Variants in MBLAC2 observed in about 807,000 individuals in gnomAD.
MBLAC2 encodes the protein metallo-beta-lactamase domain containing 2.
In MBLAC2, 24 loss-of-function variants were observed where a neutral mutation model predicts 23.3. The observed-to-expected ratio is 1.03, with a 90% CI of 0.75 to 1.45. MBLAC2 has a LOEUF of 1.45. Ranked by LOEUF, MBLAC2 falls within the 40% of genes most tolerant of loss-of-function variation. MBLAC2 has a pLI of 0.00. For synonymous variants in MBLAC2, 162 were observed against 150.9 expected, an observed-to-expected ratio of 1.07 and a Z score of -0.54; for missense variants, 358 against 370.0, an observed-to-expected ratio of 0.97 and a Z score of 0.27.
intron 1 of MBLAC2, chr5:90,472,748 A>G (rs1236950325): frequency 1.3e-5 from 2 of 152,172 alleles, no homozygotes; most frequent in African/African-American, 4.8e-5. Context: ...GGGGCCTTTC[A>G]CATTCTACTC....
chr5:90,467,652 A>G (rs555706738), intron 1 of MBLAC2, among the ~76,000 whole-genome samples: 2 of 150,876 alleles, frequency 1.3e-5, no homozygotes, highest in African/African-American at 4.9e-5. Flanking sequence ...TTTTAAGTGG[A>G]GCATTTAGGC....
chr5:90,471,667 A>G (rs1750550952), intron 1 of MBLAC2: 1 of 152,224 alleles, frequency 6.6e-6, no homozygotes, highest in Admixed American at 6.5e-5. Context: ...GCATTCTACC[A>G]AAGCAATGAA....
In MBLAC2 at chr5:90,474,435, G is replaced by A. The variant is rs965817509; in HGVS notation, c.-143C>T. Reference sequence around the variant, plus strand: ...GTAGAGCGAGGCGGGGGCGTGGGATGCGGGGGTCGGAATAGGAGGAGGAAG... The same window carrying A: ...GTAGAGCGAGGCGGGGGCGTGGGATACGGGGGTCGGAATAGGAGGAGGAAG... On this transcript the variant is annotated 5_prime_UTR_variant, in exon 1 of 2. Coordinates refer to ENST00000316610, the MANE Select transcript of MBLAC2 (RefSeq NM_203406.2). 2.4e-5 allele frequency: 18 copies of A among 735,786 alleles called. No individual in the cohort carries two copies. Among genetic ancestry groups the A allele is most frequent in the Admixed American group, 1.6e-4 (6 of 36,846 alleles). 45.6% of individuals were successfully genotyped at this position (735,786 alleles called of 1,614,324 possible). A position where few individuals can be genotyped will look rare whatever the true frequency, so the allele number is the denominator to read the frequency against.
At chr5:90,473,807 A>G (rs1360240702) in intron 1 of MBLAC2, 32 bp downstream of exon 1, 7 of 1,544,994 alleles carry the variant, frequency 4.5e-6, no homozygotes, top group Non-Finnish European at 6.1e-6. Flanking sequence ...ACCCTCCCTT[A>G]ACGAGAGCGC....
At chr5:90,469,060 G>GA (rs1750501443) in intron 1 of MBLAC2, among the ~76,000 whole-genome samples, 1 of 151,998 alleles carries the variant, frequency 6.6e-6, no homozygotes, top group Non-Finnish European at 1.5e-5. Flanking sequence ...AAACCCAGGA[G>GA]AAAAAAAGAA....
At chr5:90,466,316 A>G (rs1266215122) in intron 1 of MBLAC2, among the ~76,000 whole-genome samples, 4 of 152,240 alleles carry the variant, frequency 2.6e-5, no homozygotes, top group Non-Finnish European at 5.9e-5. Flanking sequence ...TTTGCAGACA[A>G]ACAAATAAGA....
Position 90,474,112 on chromosome 5 carries a change from C to A in MBLAC2, c.181G>T (p.Gly61Cys), listed in dbSNP as rs1488746577. 44 of 1,579,278 alleles carry A rather than the reference C, an allele frequency of 2.8e-5. No individual in the cohort carries two copies. Among genetic ancestry groups the A allele is most frequent in the Non-Finnish European group, 3.7e-5 (43 of 1,162,624 alleles). ...RSLPEYLYSSGLLQDREAKED... is the reference protein window; with the variant it reads ...RSLPEYLYSSCLLQDREAKED... ...TTGGCCTCTCGGTCCTGCAAGAGGC[C>A]GGAGGAGTACAGGTACTCCGGGAGG... Residue 61 changes from glycine (G) to cysteine (C), a missense_variant, in exon 1 of 2, where the codon GGC (glycine) becomes TGC (cysteine). Physicochemically the swap from Gly to Cys is radical, Grantham distance 159. Coordinates refer to ENST00000316610, the MANE Select transcript of MBLAC2 (RefSeq NM_203406.2).
chr5:90,473,712 A>C (rs1468843880), intron 1 of MBLAC2, 127 bp downstream of exon 1: 5 of 907,412 alleles, frequency 5.5e-6, no homozygotes, highest in Non-Finnish European at 8.8e-6. Context: ...GGTGAAACAG[A>C]AGTGGCTCTG....
chr5:90,471,362 G>C (rs1401904902), intron 1 of MBLAC2, among the ~76,000 whole-genome samples: 2 of 152,178 alleles, frequency 1.3e-5, no homozygotes, highest in Non-Finnish European at 2.9e-5. Flanking sequence ...CCAGAACTTT[G>C]TATCACTTGA....
At position 90,474,638 on chromosome 5, in the gene MBLAC2, C is replaced by G. The variant is rs1159660753; in HGVS notation, c.-346G>C. Reference sequence around the variant, plus strand: ...GCAGAATGGAGACTCAGGTGGCGACCGTTTCGCCACCCCGGGCGTGTGACA... The same window carrying G: ...GCAGAATGGAGACTCAGGTGGCGACGGTTTCGCCACCCCGGGCGTGTGACA... On this transcript the variant is annotated 5_prime_UTR_variant, in exon 1 of 2. Transcript: ENST00000316610. 65 of 309,934 alleles carry G rather than the reference C, an allele frequency of 2.1e-4. No homozygotes were observed. Among genetic ancestry groups the G allele is most frequent in the Non-Finnish European group, 1.2e-5 (2 of 165,176 alleles). 19.2% of individuals were successfully genotyped at this position (309,934 alleles called of 1,614,324 possible).
chr5:90,471,587 A>C lies in MBLAC2; in HGVS notation c.454+2252T>G, dbSNP rs77169410. ...TTTGGGTTAGAGATACAGTGCACAG[A>C]TTTATGCTTCTCCATGACAAGTGAT... is the stretch of plus-strand genomic sequence containing the variant. On this transcript the variant is annotated intron_variant, in intron 1 of 1. Transcript: ENST00000316610. Among the ~76,000 whole-genome samples, 103 of 152,298 alleles carry C rather than the reference A, an allele frequency of 6.8e-4. 1 individual carries two copies. In the East Asian group the frequency reaches 0.018, roughly 27 times the overall value.
At chr5:90,465,536 A>G (rs920752963) in intron 1 of MBLAC2, among the ~76,000 whole-genome samples, 6 of 152,210 alleles carry the variant, frequency 3.9e-5, no homozygotes, top group African/African-American at 1.4e-4. Flanking sequence ...ATGGTGCTTG[A>G]AATAAAGCTA....
chr5:90,473,678 C>A, intron 1 of MBLAC2, 161 bp downstream of exon 1: 1 of 750,870 alleles, frequency 1.3e-6, no homozygotes. Context: ...TGACTCTGGT[C>A]AAGTGGGTTT....
At chr5:90,466,283 G>C (rs994515635) in intron 1 of MBLAC2, among the ~76,000 whole-genome samples, 2 of 152,188 alleles carry the variant, frequency 1.3e-5, no homozygotes, top group African/African-American at 4.8e-5. Context: ...TGACAGACTG[G>C]ACTGGGATAC....
At position 90,474,396 on chromosome 5, in the gene MBLAC2, G is replaced by A. The variant is rs557665000; in HGVS notation, c.-104C>T. 2.8e-6 allele frequency: 3 copies of A among 1,078,918 alleles called. No homozygotes were observed. The highest frequency in any genetic ancestry group is 1.4e-5 in the South Asian group (1 of 73,346). The allele number at this position is 1,078,918 out of a possible 1,614,324, so 66.8% of individuals were successfully genotyped here. A position where few individuals can be genotyped will look rare whatever the true frequency, so the allele number is the denominator to read the frequency against. ...GGCTGTGTGAAGCGGTCTGCCTGCA[G>A]CCAGGGAGGAGGCGTAGAGCGAGGC... On this transcript the variant is annotated 5_prime_UTR_variant, in exon 1 of 2. Transcript: ENST00000316610.
rs1307921518 is a variant in MBLAC2 at position 90,468,073 on chromosome 5, T to C, written c.454+5766A>G. Among the ~76,000 whole-genome samples, 8 of 152,350 alleles carry C rather than the reference T, an allele frequency of 5.3e-5. No individual in the cohort carries two copies. In the East Asian group the frequency reaches 1.5e-3, roughly 29 times the overall value. Reference sequence around the variant, plus strand: ...AGCTTGTAGAGTTTCTGCTGTTAGATAGGTTTTCCTTTACAGGTTACATGA... The same window carrying C: ...AGCTTGTAGAGTTTCTGCTGTTAGACAGGTTTTCCTTTACAGGTTACATGA... On this transcript the variant is annotated intron_variant, in intron 1 of 1. Transcript: ENST00000316610.
At chr5:90,463,419 TAAC>T (rs1437006038) in intron 1 of MBLAC2, among the ~76,000 whole-genome samples, 2 of 151,982 alleles carry the variant, frequency 1.3e-5, no homozygotes, top group Non-Finnish European at 2.9e-5. Flanking sequence ...AGACAAAAAA[TAAC>T]AAATTAGGAA....
rs1358000605 is a variant in MBLAC2 at position 90,459,553 on chromosome 5, T to A, written c.*1614A>T. 1 of 152,110 alleles carries A rather than the reference T, an allele frequency of 6.6e-6. No individual in the cohort carries two copies. The highest frequency in any genetic ancestry group is 2.4e-5 in the African/African-American group (1 of 41,438). 9.4% of individuals were successfully genotyped at this position (152,110 alleles called of 1,614,324 possible). A position where few individuals can be genotyped will look rare whatever the true frequency, so the allele number is the denominator to read the frequency against. The stretch of plus-strand genomic sequence containing the variant: ...CTTCCAAATTTGACTCAAAAACCCC[T>A]CCTCCAGTAAACTTTGCCTAACCAA... On this transcript the variant is annotated 3_prime_UTR_variant, in exon 2 of 2. Transcript: ENST00000316610.
intron 1 of MBLAC2, among the ~76,000 whole-genome samples, chr5:90,465,210 A>G (rs1003720373): frequency 1.3e-5 from 2 of 152,236 alleles, no homozygotes; most frequent in African/African-American, 2.4e-5. Flanking sequence ...GTAACTATCA[A>G]AAATGAATTT....
Sources: allele counts gnomAD v4.1 joint callset (sites outside exome capture counted in the v4.1 genomes callset), GRCh38; gene constraint gnomAD v4.1.1; transcripts MANE v1.5; gene names NCBI Gene and HGNC (gene_info 2026-07-23, HGNC 2026-07-21).